Variants in PRKG1 observed in about 807,000 individuals in gnomAD.
PRKG1 encodes protein kinase cGMP-dependent 1, also known as cGMP-dependent protein kinase 1.
PRKG1 carries 35 observed loss-of-function variants against 88.1 expected under a neutral mutation model. The observed-to-expected ratio is 0.40, with a 90% CI of 0.30 to 0.53. The LOEUF (loss-of-function observed/expected upper bound fraction) is 0.53, where lower values mean the gene tolerates loss of function less well. Ranked by LOEUF, PRKG1 falls within the 20% of genes least tolerant of loss-of-function variation. PRKG1 has a pLI of 0.59. For missense variants in PRKG1, 540 were observed against 839.8 expected (o/e 0.64, Z 4.41); for synonymous variants, 303 against 292.5 (o/e 1.04, Z -0.37).
intron 3 of PRKG1, among the ~76,000 whole-genome samples, chr10:51,543,957 C>G (rs544525861): frequency 3.0e-4 from 45 of 152,194 alleles, no homozygotes; most frequent in Middle Eastern, 3.4e-3. Flanking sequence ...CCTATGTAAA[C>G]AATTATTCTG....
intron 3 of PRKG1, among the ~76,000 whole-genome samples, chr10:51,550,916 T>C (rs781633381): frequency 5.7e-4 from 86 of 152,086 alleles, no homozygotes; most frequent in Admixed American, 9.8e-4. Flanking sequence ...CCTAAATAGA[T>C]ATGTTTTTCA....
intron 2 of PRKG1, among the ~76,000 whole-genome samples, chr10:51,428,495 C>T (rs1271530643): frequency 6.6e-6 from 1 of 152,092 alleles, no homozygotes; most frequent in East Asian, 1.9e-4. Context: ...TTTCAAAAAC[C>T]CTCCAAATAT....
chr10:51,269,090 A>G (rs542179209), intron 2 of PRKG1, among the ~76,000 whole-genome samples: 1 of 152,352 alleles, frequency 6.6e-6, no homozygotes, highest in East Asian at 1.9e-4. Context: ...AAAAGAAGAT[A>G]TACAAATAGC....
intron 7 of PRKG1, among the ~76,000 whole-genome samples, chr10:52,120,420 T>C (rs1433540096): frequency 6.6e-6 from 1 of 152,176 alleles, no homozygotes; most frequent in Non-Finnish European, 1.5e-5. Flanking sequence ...AAGTCTCATC[T>C]GAATCAGATA....
Position 51,153,187 on chromosome 10 carries a change from C to T in PRKG1, c.335C>T (p.Ala112Val). The T allele has an allele frequency of 6.2e-7, 1 of 1,612,046 alleles. No homozygotes were observed. Among genetic ancestry groups the T allele is most frequent in the Non-Finnish European group, 8.5e-7 (1 of 1,178,650 alleles). Residue 112 changes from alanine to valine, a missense_variant, in exon 2 of 18, where the codon GCT (alanine) becomes GTT (valine). Coordinates refer to ENST00000373980, the MANE Select transcript of PRKG1 (RefSeq NM_006258.4). ...AGGTCCAAGGATCTTATAAAGGAAGCTATCCTTGACAATGACTTTATGAAG... is the reference window on the plus strand; with the variant it reads ...AGGTCCAAGGATCTTATAAAGGAAGTTATCCTTGACAATGACTTTATGAAG... ...SPQSKDLIKE[A>V]ILDNDFMKNL...
intron 2 of PRKG1, among the ~76,000 whole-genome samples, chr10:51,212,100 A>G (rs1282633848): frequency 6.6e-6 from 1 of 152,196 alleles, no homozygotes; most frequent in Admixed American, 6.5e-5. Flanking sequence ...ACAGCATGAT[A>G]CTGGTACCAA....
At chr10:51,882,687 T>C (rs1003905516) in intron 4 of PRKG1, among the ~76,000 whole-genome samples, 1 of 152,218 alleles carries the variant, frequency 6.6e-6, no homozygotes, top group Non-Finnish European at 1.5e-5. Context: ...TCTTTTCCCC[T>C]GTTGACTGAG....
chr10:51,828,001 C>T (rs909336501), intron 4 of PRKG1, among the ~76,000 whole-genome samples: 2 of 152,096 alleles, frequency 1.3e-5, no homozygotes, highest in Non-Finnish European at 2.9e-5. Flanking sequence ...TGGACAACTA[C>T]TTTTCATCAC....
intron 7 of PRKG1, among the ~76,000 whole-genome samples, chr10:52,083,220 C>T (rs1433564754): frequency 6.6e-6 from 1 of 151,850 alleles, no homozygotes; most frequent in Non-Finnish European, 1.5e-5. Flanking sequence ...GTAAATTGAA[C>T]TTTGGGCCAG....
intron 2 of PRKG1, among the ~76,000 whole-genome samples, chr10:51,178,292 G>C (rs1274517279): frequency 6.6e-6 from 1 of 152,056 alleles, no homozygotes; most frequent in Non-Finnish European, 1.5e-5. Flanking sequence ...TGTAAATGAG[G>C]AACAATGCAA....
At chr10:51,639,210 G>A (rs192030362) in intron 3 of PRKG1, among the ~76,000 whole-genome samples, 60 of 151,896 alleles carry the variant, frequency 4.0e-4, no homozygotes, top group African/African-American at 1.4e-3. Flanking sequence ...AGAGGTGGGC[G>A]GATAACGAGG....
At chr10:52,272,248 C>T (rs1589750265) in intron 11 of PRKG1, 144 bp from the exon 12 acceptor site, 1 of 539,026 alleles carries the variant, frequency 1.9e-6, no homozygotes, top group Non-Finnish European at 3.2e-6. Context: ...GGCTTCTTTT[C>T]CCCATGTGTG....
rs150741114 is a variant in PRKG1, at chr10:51,016,460, C to G, written c.266+24816C>G. The stretch of plus-strand genomic sequence containing the variant: ...TGGTTAACTAAAGCATCATTTCAGG[C>G]TTCTGTAATAAATGGAAAATGCTAT... On this transcript the variant is annotated intron_variant, in intron 1 of 17. Transcript: ENST00000401604. Among the ~76,000 whole-genome samples, 478 of 152,068 alleles carry G rather than the reference C, an allele frequency of 3.1e-3. 3 individuals carry two copies. The highest frequency in any genetic ancestry group is 0.011 in the African/African-American group (453 of 41,454).
At chr10:51,144,140 T>C (rs1845885285) in intron 1 of PRKG1, among the ~76,000 whole-genome samples, 1 of 152,128 alleles carries the variant, frequency 6.6e-6, no homozygotes, top group African/African-American at 2.4e-5. Context: ...TTGAGTTGAT[T>C]TTTGTTTATG....
intron 2 of PRKG1, among the ~76,000 whole-genome samples, chr10:51,319,413 G>A (rs183300892): frequency 1.3e-5 from 2 of 152,288 alleles, no homozygotes; most frequent in East Asian, 3.9e-4. Flanking sequence ...GGCCTGCTTT[G>A]TGCTATTGTT....
At chr10:52,272,189 G>C (rs1275805681) in intron 11 of PRKG1, among the ~76,000 whole-genome samples, 1 of 152,036 alleles carries the variant, frequency 6.6e-6, no homozygotes, top group South Asian at 2.1e-4. Context: ...TTTCAAGGGA[G>C]AGATTAGCGC....
chr10:52,006,126 C>T (rs946851442), intron 5 of PRKG1, among the ~76,000 whole-genome samples: 4 of 151,886 alleles, frequency 2.6e-5, no homozygotes, highest in Non-Finnish European at 5.9e-5. Context: ...ATCAAAAAGA[C>T]AGCAACTTCA....
intron 7 of PRKG1, among the ~76,000 whole-genome samples, chr10:52,078,139 T>G (rs1292012268): frequency 6.6e-6 from 1 of 152,240 alleles, no homozygotes; most frequent in Non-Finnish European, 1.5e-5. Flanking sequence ...ACAGGTTTTC[T>G]ACCGCCTACA....
At chr10:51,810,709 TA>T (rs113640887) in intron 4 of PRKG1, among the ~76,000 whole-genome samples, 8 of 151,996 alleles carry the variant, frequency 5.3e-5, no homozygotes, top group South Asian at 2.1e-4. Context: ...GATTTTCCCT[TA>T]AAAAAATATG....
Sources: allele counts gnomAD v4.1 joint callset (sites outside exome capture counted in the v4.1 genomes callset), GRCh38; gene constraint gnomAD v4.1.1; transcripts MANE v1.5; gene names NCBI Gene and HGNC (gene_info 2026-07-23, HGNC 2026-07-21).